The following NRXN3 variants were observed in gnomAD, a reference collection of about 807,000 sequenced individuals.
NRXN3 encodes neurexin III.
NRXN3 carries 32 observed loss-of-function variants against 137.6 expected under a neutral mutation model. The ratio of observed to expected loss-of-function variants is 0.23; its 90% confidence interval spans 0.18 to 0.31. The LOEUF is 0.31. NRXN3 is among the 10% of genes least tolerant of loss of function. The probability of loss-of-function intolerance (pLI) is 1.00; values close to 1 mark genes in which losing one functional copy is unlikely to be tolerated. For synonymous variants in NRXN3, 798 were observed against 784.5 expected (o/e 1.02, Z -0.29); for missense variants, 1,574 against 2,062.5 (o/e 0.76, Z 4.59).
intron 8 of NRXN3, among the ~76,000 whole-genome samples, chr14:78,734,709 CAGACAA>C (rs1259128610): frequency 6.6e-6 from 1 of 152,112 alleles, no homozygotes; most frequent in Non-Finnish European, 1.5e-5. Flanking sequence ...AAGGTGTTAC[CAGACAA>C]AGATGGATGC....
intron 6 of NRXN3, among the ~76,000 whole-genome samples, chr14:78,669,269 A>G (rs759044131): frequency 5.3e-5 from 5 of 93,478 alleles, no homozygotes; most frequent in African/African-American, 8.3e-5. Context: ...CGGTAATGGT[A>G]GTAGTAGTAG....
At chr14:78,911,961 G>T (rs187022622) in intron 10 of NRXN3, among the ~76,000 whole-genome samples, 28 of 151,738 alleles carry the variant, frequency 1.8e-4, no homozygotes, top group African/African-American at 6.8e-4. Context: ...GGGTACATGT[G>T]CACAACGTGC....
chr14:79,087,992 C>A (rs549228854), intron 15 of NRXN3, among the ~76,000 whole-genome samples: 1 of 139,886 alleles, frequency 7.1e-6, no homozygotes, highest in Non-Finnish European at 1.5e-5. Flanking sequence ...GTTGGAGCAA[C>A]GTCAGAATGA....
At chr14:79,010,228 G>A (rs2152390245) in intron 15 of NRXN3, among the ~76,000 whole-genome samples, 1 of 152,264 alleles carries the variant, frequency 6.6e-6, no homozygotes, top group South Asian at 2.1e-4. Context: ...TAGAGAAAAT[G>A]AAATTCAGGA....
rs1568482132 is a variant in NRXN3, at chr14:79,861,019, C to T, written c.4094-323C>T. ...GTTTACAAATATACTAATTGTTTTT[C>T]TTTTTCTTTTCCATCCCAGGAGGTG... On this transcript the variant is annotated intron_variant, in intron 20 of 20. Transcript: ENST00000335750. This position sits in a 1 kb window ranked among gnomAD's most constrained non-coding sequence, Gnocchi z 5.4. The T allele has an allele frequency of 7.3e-7, 1 of 1,369,710 alleles. No homozygotes were observed. Among genetic ancestry groups the T allele is most frequent in the Non-Finnish European group, 9.5e-7 (1 of 1,052,670 alleles). 84.8% of individuals were successfully genotyped at this position (1,369,710 alleles called of 1,614,324 possible). A position where few individuals can be genotyped will look rare whatever the true frequency, so the allele number is the denominator to read the frequency against.
intron 20 of NRXN3, among the ~76,000 whole-genome samples, chr14:79,826,797 T>C (rs892073756): frequency 6.6e-6 from 1 of 152,192 alleles, no homozygotes; most frequent in Non-Finnish European, 1.5e-5. Context: ...TGATACGTTA[T>C]TTTATTTCCC....
chr14:79,667,845 A>G (rs2098574643), intron 17 of NRXN3, among the ~76,000 whole-genome samples: 1 of 152,026 alleles, frequency 6.6e-6, no homozygotes, highest in African/African-American at 2.4e-5. Context: ...TTTTAGCCAC[A>G]GCTCTAGGCC....
chr14:79,121,512 T>A (rs1224218281), intron 15 of NRXN3, among the ~76,000 whole-genome samples: 1 of 152,256 alleles, frequency 6.6e-6, no homozygotes, highest in Non-Finnish European at 1.5e-5. Context: ...ATATCCAACT[T>A]AAATTTCACT....
chr14:78,389,785 T>C (rs1411382379), intron 4 of NRXN3, among the ~76,000 whole-genome samples: 1 of 152,176 alleles, frequency 6.6e-6, no homozygotes, highest in African/African-American at 2.4e-5. Context: ...CCTTTTATGA[T>C]TTCTTCAGTT....
At chr14:78,790,345 A>G (rs2098801539) in intron 8 of NRXN3, among the ~76,000 whole-genome samples, 1 of 152,166 alleles carries the variant, frequency 6.6e-6, no homozygotes, top group Admixed American at 6.5e-5. Flanking sequence ...ATTTTGGGGA[A>G]TGAGAAGCCA....
intron 20 of NRXN3, among the ~76,000 whole-genome samples, chr14:79,842,456 G>C (rs1246650843): frequency 6.6e-6 from 1 of 152,174 alleles, no homozygotes; most frequent in Non-Finnish European, 1.5e-5. Flanking sequence ...GAGATATCCT[G>C]GGTCTGGTGA....
At chr14:79,769,247 C>A (rs1397396021) in intron 19 of NRXN3, among the ~76,000 whole-genome samples, 1 of 149,780 alleles carries the variant, frequency 6.7e-6, no homozygotes, top group Non-Finnish European at 1.5e-5. Flanking sequence ...GGCAGGCCAA[C>A]GTTCAGATTC....
chr14:79,428,343 T>G (rs2095689990), intron 15 of NRXN3, among the ~76,000 whole-genome samples: 1 of 151,868 alleles, frequency 6.6e-6, no homozygotes, highest in South Asian at 2.1e-4. Context: ...TATTTTTTAA[T>G]TAAAAAAATA....
chr14:79,492,496 C>T (rs1392765151), intron 16 of NRXN3, among the ~76,000 whole-genome samples: 1 of 152,062 alleles, frequency 6.6e-6, no homozygotes, highest in Non-Finnish European at 1.5e-5. Flanking sequence ...GATTCTCCTG[C>T]CTTAGCCTCT....
At chr14:78,729,871 C>G (rs549192314) in intron 8 of NRXN3, among the ~76,000 whole-genome samples, 2 of 152,264 alleles carry the variant, frequency 1.3e-5, no homozygotes, top group South Asian at 2.1e-4. Context: ...TGTGGAGGAA[C>G]AAATGAAAGA....
chr14:79,543,573 A>T (rs976282361), intron 16 of NRXN3, among the ~76,000 whole-genome samples: 1 of 152,188 alleles, frequency 6.6e-6, no homozygotes, highest in Non-Finnish European at 1.5e-5. Flanking sequence ...CCACAGCATG[A>T]ACTGGAGAGT....
rs1348969245 is a variant in NRXN3, at chr14:78,234,992, TTTTATATATA to T, written c.-703-7397_-703-7388del. On this transcript the variant is annotated intron_variant, in intron 1 of 20. Transcript: ENST00000335750. ...TTGATTATCTGGCAGCCACAAATGC[TTTTATATATA>T]TATATATATATATATATATATGTGT... Among the ~76,000 whole-genome samples, 48 of 18,730 alleles carry T rather than the reference TTTTATATATA, an allele frequency of 2.6e-3. 1 individual carries two copies. In the East Asian group the frequency reaches 0.036, roughly 14 times the overall value. 12.3% of individuals were successfully genotyped at this position (18,730 alleles called of 152,430 possible). A position where few individuals can be genotyped will look rare whatever the true frequency, so the allele number is the denominator to read the frequency against.
At chr14:78,174,631 GCT>G (rs2059088244) in intron 1 of NRXN3, among the ~76,000 whole-genome samples, 1 of 152,152 alleles carries the variant, frequency 6.6e-6, no homozygotes, top group African/African-American at 2.4e-5. Flanking sequence ...GTGTGGTGTG[GCT>G]GTGTTTGTTG....
intron 15 of NRXN3, among the ~76,000 whole-genome samples, chr14:79,138,850 A>G (rs1568403912): frequency 6.6e-6 from 1 of 152,228 alleles, no homozygotes; most frequent in Non-Finnish European, 1.5e-5. Flanking sequence ...TTTTTTCTTC[A>G]GAAAACAGGA....
Sources: gnomAD v4.1 joint callset for allele counts (sites outside exome capture counted in the v4.1 genomes callset) on GRCh38, gnomAD v4.1.1 for gene constraint, Gnocchi (gnomAD v3.1) non-coding constraint, MANE v1.5 for transcripts, NCBI Gene and HGNC (gene_info 2026-07-23, HGNC 2026-07-21) for gene names.